The following KIAA2012 variants were observed in gnomAD, a reference collection of about 807,000 sequenced individuals.
KIAA2012 encodes the protein KIAA2012.
A neutral mutation model predicts 150.6 loss-of-function variants in KIAA2012; 125 were observed. The ratio of observed to expected loss-of-function variants is 0.83; its 90% CI spans 0.72 to 0.96. KIAA2012 has a LOEUF of 0.96. KIAA2012 is among the 40% of genes least tolerant of loss of function. KIAA2012 has a pLI of 0.00. For missense variants in KIAA2012, 1,219 were observed against 1,354.9 expected (o/e 0.90, Z 1.57); for synonymous variants, 462 against 504.7 (o/e 0.92, Z 1.13).
At chr2:202,098,315 G>A (rs1689946607) in intron 5 of KIAA2012, among the ~76,000 whole-genome samples, 1 of 152,144 alleles carries the variant, frequency 6.6e-6, no homozygotes, top group East Asian at 1.9e-4. Flanking sequence ...AGCCAAGATC[G>A]CACCACTGCA....
chr2:202,129,381 G>A (rs961934222), intron 12 of KIAA2012, among the ~76,000 whole-genome samples: 9 of 151,854 alleles, frequency 5.9e-5, no homozygotes, highest in Admixed American at 2.0e-4. Flanking sequence ...CACCGCACCC[G>A]GCTAATTTTT....
At chr2:202,197,307 CACAG>C (rs891156982) in intron 22 of KIAA2012, 7 of 459,836 alleles carry the variant, frequency 1.5e-5, no homozygotes, top group East Asian at 8.1e-5. Flanking sequence ...GGATCTTGAT[CACAG>C]ACAAACAGTG....
intron 15 of KIAA2012, among the ~76,000 whole-genome samples, chr2:202,172,960 G>A (rs187741007): frequency 3.9e-5 from 6 of 152,342 alleles, no homozygotes; most frequent in Admixed American, 3.9e-4. Context: ...TATTCTGCTA[G>A]TCCTTAGCAC....
At chr2:202,197,212 T>G in intron 22 of KIAA2012, 193 bp downstream of exon 22, 1 of 877,986 alleles carries the variant, frequency 1.1e-6, no homozygotes, top group Middle Eastern at 3.6e-4. Context: ...TTAATGAAGT[T>G]GTAATGAATC....
intron 2 of KIAA2012, among the ~76,000 whole-genome samples, chr2:202,083,326 G>A (rs1689490920): frequency 6.6e-6 from 1 of 152,242 alleles, no homozygotes; most frequent in African/African-American, 2.4e-5. Flanking sequence ...GCTGGGGATG[G>A]AGGATGCTTT....
At chr2:202,108,647 G>C (rs1433923558) in intron 9 of KIAA2012, among the ~76,000 whole-genome samples, 1 of 152,172 alleles carries the variant, frequency 6.6e-6, no homozygotes, top group African/African-American at 2.4e-5. Flanking sequence ...CTTTTTGGCA[G>C]GAATATCACA....
chr2:202,175,893 A>G (rs1205257571), intron 15 of KIAA2012, among the ~76,000 whole-genome samples: 3 of 152,264 alleles, frequency 2.0e-5, no homozygotes, highest in Non-Finnish European at 4.4e-5. Context: ...AGAGACAGAC[A>G]GAAGAGAATA....
chr2:202,160,266 C>A (rs991229923), intron 14 of KIAA2012, among the ~76,000 whole-genome samples: 109 of 148,592 alleles, frequency 7.3e-4, no homozygotes, highest in African/African-American at 2.6e-3. Flanking sequence ...ATATATTAAT[C>A]TTTTTTATCT....
At chr2:202,146,197 G>C (rs1055983334) in intron 13 of KIAA2012, among the ~76,000 whole-genome samples, 1 of 152,118 alleles carries the variant, frequency 6.6e-6, no homozygotes, top group East Asian at 1.9e-4. Context: ...ATCCAATAAA[G>C]CTGCATTTAA....
intron 1 of KIAA2012, 66 bp from the exon 2 acceptor site, chr2:202,074,825 A>T: frequency 3.5e-6 from 5 of 1,447,244 alleles, no homozygotes; most frequent in Non-Finnish European, 4.6e-6. Context: ...GGCTTTGCAC[A>T]AGCAGTATTT....
At chr2:202,177,862 T>C (rs1326205968) in intron 15 of KIAA2012, among the ~76,000 whole-genome samples, 1 of 152,164 alleles carries the variant, frequency 6.6e-6, no homozygotes, top group Non-Finnish European at 1.5e-5. Flanking sequence ...ATGTGATAAA[T>C]GAAGTCTTGG....
intron 21 of KIAA2012, among the ~76,000 whole-genome samples, chr2:202,195,527 A>G (rs1445555745): frequency 2.0e-5 from 3 of 152,226 alleles, no homozygotes; most frequent in Non-Finnish European, 2.9e-5. Flanking sequence ...GTCTAAAAAA[A>G]AAAAGAAAAA....
intron 11 of KIAA2012, among the ~76,000 whole-genome samples, chr2:202,120,085 A>G (rs891804290): frequency 6.6e-6 from 1 of 152,248 alleles, no homozygotes; most frequent in Non-Finnish European, 1.5e-5. Flanking sequence ...AGGCCTCCTC[A>G]GCCACATGAA....
intron 9 of KIAA2012, among the ~76,000 whole-genome samples, chr2:202,108,502 T>A (rs1007937511): frequency 6.6e-6 from 1 of 152,258 alleles, no homozygotes; most frequent in East Asian, 1.9e-4. Flanking sequence ...CTCTTTAGAA[T>A]CTTTTCATCT....
chr2:202,123,978 C>T (rs965463896), intron 11 of KIAA2012, among the ~76,000 whole-genome samples: 3 of 152,124 alleles, frequency 2.0e-5, no homozygotes, highest in Non-Finnish European at 4.4e-5. Flanking sequence ...CAGCTGAGGT[C>T]AGGAGGTCGA....
chr2:202,090,760 G>A lies in KIAA2012; in HGVS notation c.370-10G>A. ...GCAGCTGTGCTGTTTCCTGACTGGTGTCCCCACAGGGAGAGCAGGACAGAG... is the reference window on the plus strand; with the variant it reads ...GCAGCTGTGCTGTTTCCTGACTGGTATCCCCACAGGGAGAGCAGGACAGAG... On this transcript the variant is annotated splice_polypyrimidine_tract_variant and intron_variant, in intron 2 of 23. Coordinates refer to ENST00000498697, the MANE Select transcript of KIAA2012 (RefSeq NM_001277372.4). The A allele has an allele frequency of 6.5e-7, 1 of 1,541,908 alleles. No homozygotes were observed. The highest frequency in any genetic ancestry group is 8.8e-7 in the Non-Finnish European group (1 of 1,140,736).
chr2:202,100,243 A>G, intron 6 of KIAA2012, 64 bp from the exon 7 acceptor site: 1 of 1,489,274 alleles, frequency 6.7e-7, no homozygotes, highest in Admixed American at 2.1e-5. Context: ...ATAAAAGTCA[A>G]AACTCAACTG....
chr2:202,190,067 G>C, intron 18 of KIAA2012, 107 bp from the exon 19 acceptor site: 5 of 884,212 alleles, frequency 5.7e-6, no homozygotes, highest in Non-Finnish European at 8.2e-6. Context: ...CAGCTTGGGT[G>C]ACAGAGCAAG....
At chr2:202,194,088 G>C in intron 20 of KIAA2012, 102 bp from the exon 21 acceptor site, 1 of 1,290,436 alleles carries the variant, frequency 7.7e-7, no homozygotes, top group Non-Finnish European at 1.1e-6. Context: ...CCTGTGGCCT[G>C]TGGGCTGCAG....
Sources: gnomAD v4.1 joint callset for allele counts (sites outside exome capture counted in the v4.1 genomes callset) on GRCh38, gnomAD v4.1.1 for gene constraint, MANE v1.5 for transcripts, NCBI Gene and HGNC (gene_info 2026-07-23, HGNC 2026-07-21) for gene names.